SNTG1: variants seen among roughly 807,000 people sequenced by gnomAD.
The protein encoded by SNTG1 is syntrophin gamma 1, also known as gamma-1-syntrophin.
In SNTG1, 39 loss-of-function variants were observed where a neutral mutation model predicts 74.7. The observed-to-expected ratio is 0.52, with a 90% CI of 0.40 to 0.68. SNTG1 has a LOEUF of 0.68. SNTG1 is among the 30% of genes least tolerant of loss of function. The pLI is 0.00. For missense variants in SNTG1, 685 were observed against 609.5 expected (o/e 1.12, Z -1.30); for synonymous variants, 254 against 217.1 (o/e 1.17, Z -1.49).
chr8:50,440,994 A>G (rs561147608), intron 5 of SNTG1, among the ~76,000 whole-genome samples: 22 of 152,346 alleles, frequency 1.4e-4, no homozygotes, highest in African/African-American at 5.3e-4. Context: ...AGTCAAAGCC[A>G]GCTGGCCATG....
At chr8:50,157,192 A>G (rs1020832876) in intron 1 of SNTG1, among the ~76,000 whole-genome samples, 1 of 152,122 alleles carries the variant, frequency 6.6e-6, no homozygotes, top group Admixed American at 6.6e-5. Flanking sequence ...ATATGTCTGA[A>G]TATAGATATT....
chr8:50,357,689 A>C (rs2091856627), intron 2 of SNTG1, among the ~76,000 whole-genome samples: 1 of 152,200 alleles, frequency 6.6e-6, no homozygotes, highest in Non-Finnish European at 1.5e-5. Context: ...TCTGTTTTCC[A>C]GAATGACTTT....
chr8:50,416,663 G>A (rs981967554), intron 4 of SNTG1, among the ~76,000 whole-genome samples: 1 of 152,074 alleles, frequency 6.6e-6, no homozygotes, highest in Non-Finnish European at 1.5e-5. Flanking sequence ...TGTTTGAAGT[G>A]TATTTGAGAC....
intron 2 of SNTG1, among the ~76,000 whole-genome samples, chr8:50,198,713 A>G (rs1253377967): frequency 6.6e-6 from 1 of 152,212 alleles, no homozygotes; most frequent in East Asian, 1.9e-4. Context: ...GAAGCTAGCA[A>G]GTACAGCTAT....
intron 1 of SNTG1, among the ~76,000 whole-genome samples, chr8:50,080,146 G>C (rs965200232): frequency 2.0e-5 from 3 of 151,990 alleles, no homozygotes; most frequent in Non-Finnish European, 4.4e-5. Flanking sequence ...AATTATAAAA[G>C]TTTTATTGTG....
intron 1 of SNTG1, among the ~76,000 whole-genome samples, chr8:49,937,554 T>C (rs1277434588): frequency 6.6e-6 from 1 of 152,204 alleles, no homozygotes; most frequent in African/African-American, 2.4e-5. Context: ...TACATTTCTA[T>C]TGGAGAGTAC....
chr8:49,941,425 T>C (rs563393067), intron 1 of SNTG1, among the ~76,000 whole-genome samples: 1 of 149,610 alleles, frequency 6.7e-6, no homozygotes, highest in Non-Finnish European at 1.5e-5. Flanking sequence ...TCCTCTGAAA[T>C]TCATTAAACA....
intron 1 of SNTG1, among the ~76,000 whole-genome samples, chr8:50,040,800 T>C (rs1818568785): frequency 6.6e-6 from 1 of 152,188 alleles, no homozygotes; most frequent in Non-Finnish European, 1.5e-5. Context: ...TATTAAATAA[T>C]AGTTATTAAT....
At chr8:50,527,431 G>T (rs969894349) in intron 9 of SNTG1, among the ~76,000 whole-genome samples, 23 of 151,834 alleles carry the variant, frequency 1.5e-4, no homozygotes, top group East Asian at 5.8e-4. Context: ...GAGGCCTGTT[G>T]CTTTAGCTTT....
rs1362116894 is a variant in SNTG1, at chr8:50,795,977, A to G, written c.*3148A>G. 2 of 152,106 alleles carry G rather than the reference A, an allele frequency of 1.3e-5. No homozygotes were observed. Among genetic ancestry groups the G allele is most frequent in the African/African-American group, 4.8e-5 (2 of 41,450 alleles). The allele number at this position is 152,106 out of a possible 1,614,324, so 9.4% of individuals were successfully genotyped here. Reference sequence around the variant, plus strand: ...GCTCATAAAGCTGTCATTCAGCAAGAAAAAGAAAGCAATTACTTGAAAATA... The same window carrying G: ...GCTCATAAAGCTGTCATTCAGCAAGGAAAAGAAAGCAATTACTTGAAAATA... On this transcript the variant is annotated 3_prime_UTR_variant, in exon 19 of 19. Transcript: ENST00000642720.
At chr8:50,364,671 CA>C (rs2092057714) in intron 2 of SNTG1, among the ~76,000 whole-genome samples, 1 of 152,058 alleles carries the variant, frequency 6.6e-6, no homozygotes, top group Non-Finnish European at 1.5e-5. Flanking sequence ...ATAATTCATT[CA>C]TATTCAAGAT....
chr8:50,468,124 G>A (rs1587722899), intron 8 of SNTG1, among the ~76,000 whole-genome samples: 1 of 151,440 alleles, frequency 6.6e-6, no homozygotes, highest in Non-Finnish European at 1.5e-5. Flanking sequence ...CCTGTAAATG[G>A]TATATTCTAT....
chr8:50,021,143 C>T (rs964041811), intron 1 of SNTG1, among the ~76,000 whole-genome samples: 1 of 152,138 alleles, frequency 6.6e-6, no homozygotes, highest in Non-Finnish European at 1.5e-5. Flanking sequence ...TGGGTGTTCA[C>T]CAGAGCTAAT....
intron 1 of SNTG1, among the ~76,000 whole-genome samples, chr8:50,165,449 A>G (rs945226139): frequency 2.6e-5 from 4 of 152,232 alleles, no homozygotes; most frequent in African/African-American, 7.2e-5. Context: ...TGTGTCCTGT[A>G]TACTGATGTT....
At chr8:49,948,909 T>A (rs1809452779) in intron 1 of SNTG1, among the ~76,000 whole-genome samples, 1 of 152,198 alleles carries the variant, frequency 6.6e-6, no homozygotes, top group Non-Finnish European at 1.5e-5. Context: ...CACCTTTTGG[T>A]CTTTCCTGCT....
At chr8:50,669,138 G>A (rs910552880) in intron 15 of SNTG1, among the ~76,000 whole-genome samples, 6 of 151,504 alleles carry the variant, frequency 4.0e-5, no homozygotes, top group South Asian at 4.2e-4. Flanking sequence ...CTAGAAAAGC[G>A]AGAGCAAACA....
At chr8:50,508,252 A>G (rs1418046673) in intron 9 of SNTG1, among the ~76,000 whole-genome samples, 1 of 152,196 alleles carries the variant, frequency 6.6e-6, no homozygotes, top group Non-Finnish European at 1.5e-5. Flanking sequence ...ACATGAACTC[A>G]TCATTTTTTA....
intron 5 of SNTG1, among the ~76,000 whole-genome samples, chr8:50,444,062 G>A (rs929800892): frequency 6.6e-5 from 10 of 151,980 alleles, no homozygotes; most frequent in Admixed American, 3.3e-4. Context: ...CACTTGAACC[G>A]GGGAGGCAGA....
intron 1 of SNTG1, among the ~76,000 whole-genome samples, chr8:50,107,876 G>A (rs756414127): frequency 2.0e-5 from 3 of 152,148 alleles, no homozygotes; most frequent in South Asian, 4.1e-4. Flanking sequence ...TAACAAGAGC[G>A]AATCACTAAG....
Sources: gnomAD v4.1 joint callset for allele counts (sites outside exome capture counted in the v4.1 genomes callset) on GRCh38, gnomAD v4.1.1 for gene constraint, MANE v1.5 for transcripts, NCBI Gene and HGNC (gene_info 2026-07-23, HGNC 2026-07-21) for gene names.